The following MRPL43 variants were observed in gnomAD, a reference collection of about 807,000 sequenced individuals.
MRPL43 encodes large ribosomal subunit protein mL43.
Under a neutral mutation model 12.7 loss-of-function variants are expected in MRPL43, and 9 were observed. The ratio of observed to expected loss-of-function variants is 0.71; its 90% confidence interval spans 0.43 to 1.24. The LOEUF is 1.24. Ranked by LOEUF, MRPL43 falls within the 50% of genes most tolerant of loss-of-function variation. The pLI, the probability that MRPL43 is intolerant of heterozygous loss-of-function variation, is 0.00. For synonymous variants in MRPL43, 116 were observed against 96.4 expected (o/e 1.20, Z -1.19); for missense variants, 211 against 229.2 (o/e 0.92, Z 0.51).
At chr10:100,983,517 G>T, downstream of MRPL43, 1 of 1,614,178 alleles carries the variant, frequency 6.2e-7, no homozygotes, top group Non-Finnish European at 8.5e-7. Context: ...CTGCTATGCC[G>T]AGGAAAATGG....
downstream of MRPL43, chr10:100,978,521 C>T (rs535590815): frequency 1.6e-5 from 26 of 1,612,940 alleles, no homozygotes; most frequent in South Asian, 4.4e-5. Context: ...AATATCCCCA[C>T]GCCAGATGGA....
chr10:100,981,075 G>C, downstream of MRPL43: 1 of 1,604,292 alleles, frequency 6.2e-7, no homozygotes, highest in Non-Finnish European at 8.5e-7. Context: ...GGGGAGTGCA[G>C]GGGCTAGTTA....
chr10:100,986,421 C>T lies in MRPL43; in HGVS notation c.*313G>A, dbSNP rs1296002343. The T allele has an allele frequency of 1.3e-6, 2 of 1,498,638 alleles. No homozygotes were observed. The highest frequency in any genetic ancestry group is 2.4e-5 in the Admixed American group (1 of 42,134). 92.8% of individuals were successfully genotyped at this position (1,498,638 alleles called of 1,614,324 possible). ...ATTCTTCAGAAGCCAGCCTTCAGAC[C>T]TCTCACTGTGTTTTGAGATCATTAT... On this transcript the variant is annotated 3_prime_UTR_variant, in exon 3 of 3. Coordinates refer to ENST00000318364, the MANE Select transcript of MRPL43 (RefSeq NM_032112.3).
chr10:100,983,904 G>GA, downstream of MRPL43: 1 of 297,266 alleles, frequency 3.4e-6, no homozygotes, highest in Non-Finnish European at 5.8e-6. Context: ...GGGAGCCCCA[G>GA]CCCCACCACC....
downstream of MRPL43, chr10:100,983,689 C>T (rs939406010): frequency 1.9e-6 from 3 of 1,613,496 alleles, no homozygotes; most frequent in Non-Finnish European, 2.5e-6. Context: ...CTCATCCTGG[C>T]CTCCTCCCTC....
chr10:100,986,988 G>A lies in MRPL43; in HGVS notation c.239-13C>T. The A allele has an allele frequency of 6.2e-7, 1 of 1,605,210 alleles. No homozygotes were observed. Among genetic ancestry groups the A allele is most frequent in the Non-Finnish European group, 8.5e-7 (1 of 1,179,398 alleles). On this transcript the variant is annotated splice_polypyrimidine_tract_variant and intron_variant, in intron 2 of 2. Transcript: ENST00000318364. Reference sequence around the variant, plus strand: ...ACAGCCCCGTTAACTGGCAGAAGAGGGGTGAGAGTGGGTGGAAGCTGGCCG... The same window carrying A: ...ACAGCCCCGTTAACTGGCAGAAGAGAGGTGAGAGTGGGTGGAAGCTGGCCG...
At chr10:100,978,541 A>T (rs202220509), downstream of MRPL43, 1 of 1,613,898 alleles carries the variant, frequency 6.2e-7, no homozygotes, top group African/African-American at 1.3e-5. Flanking sequence ...AGGCCTCTAC[A>T]CAGCCACTAG....
chr10:100,985,275 C>G (rs1851385462), downstream of MRPL43: 1 of 185,204 alleles, frequency 5.4e-6, no homozygotes, highest in East Asian at 1.4e-4. Context: ...GCTCCTACCC[C>G]TGTCCTACCT....
At chr10:100,983,445 C>T (rs149389232), downstream of MRPL43, 146 of 1,613,896 alleles carry the variant, frequency 9.0e-5, 1 homozygote, top group Non-Finnish European at 1.2e-4. Context: ...GGGTGGCTAC[C>T]GTGTGGGCGT....
rs1189465898 is a variant in MRPL43 at position 100,986,350 on chromosome 10, G to C, written c.*384C>G. ...GATATAAAGTGCCTAGCCCATCACAGCAGAGCTCTCCGTAGCTCAGTGGTT... is the reference window on the plus strand; with the variant it reads ...GATATAAAGTGCCTAGCCCATCACACCAGAGCTCTCCGTAGCTCAGTGGTT... On this transcript the variant is annotated 3_prime_UTR_variant, in exon 3 of 3. Transcript: ENST00000318364. The C allele has an allele frequency of 6.9e-6, 10 of 1,445,360 alleles. No homozygotes were observed. Among genetic ancestry groups the C allele is most frequent in the Middle Eastern group, 2.5e-4 (1 of 3,936 alleles). 89.5% of individuals were successfully genotyped at this position (1,445,360 alleles called of 1,614,324 possible).
downstream of MRPL43, chr10:100,977,866 C>G (rs1323295485): frequency 1.4e-6 from 1 of 718,184 alleles, no homozygotes. Flanking sequence ...ACAGGGCACT[C>G]CAGTGGCGGC....
chr10:100,978,820 A>G (rs1850918689), downstream of MRPL43: 2 of 1,608,306 alleles, frequency 1.2e-6, no homozygotes, highest in African/African-American at 1.3e-5. Flanking sequence ...AGCCTGTCTC[A>G]AAAGCCTCTC....
In MRPL43 at chr10:100,986,618, G is replaced by T; in HGVS notation, c.*116C>A. The T allele has an allele frequency of 6.2e-7, 1 of 1,613,170 alleles. No homozygotes were observed. Among genetic ancestry groups the T allele is most frequent in the Non-Finnish European group, 8.5e-7 (1 of 1,179,832 alleles). On this transcript the variant is annotated 3_prime_UTR_variant, in exon 3 of 3. Transcript: ENST00000318364. The stretch of plus-strand genomic sequence containing the variant: ...CTTCATTATCCCAAGCAGAACCTCT[G>T]TCAACTTGCCCATTGATGGGTTCCA...
At chr10:100,983,607 C>T (rs1378378322), downstream of MRPL43, 1 of 1,614,134 alleles carries the variant, frequency 6.2e-7, no homozygotes, top group Admixed American at 1.7e-5. Context: ...CCCTGCCACA[C>T]CTGGGGCACA....
chr10:100,980,527 T>C (rs1343040862), downstream of MRPL43: 2 of 1,520,528 alleles, frequency 1.3e-6, no homozygotes, highest in Non-Finnish European at 9.1e-7. Flanking sequence ...TGCAGGGTGC[T>C]GAGAGCAGAT....
chr10:100,981,509 T>C (rs1851073159), downstream of MRPL43: 6 of 1,614,186 alleles, frequency 3.7e-6, no homozygotes, highest in Non-Finnish European at 5.1e-6. Context: ...GTAATGGGTA[T>C]TTCCCCAAGG....
downstream of MRPL43, chr10:100,984,512 G>T: frequency 1.3e-6 from 2 of 1,535,890 alleles, no homozygotes; most frequent in Non-Finnish European, 1.7e-6. Flanking sequence ...AGGTCCATAT[G>T]GGCTCAATGT....
At chr10:100,986,001 C>T (rs1851440457), downstream of MRPL43, 1 of 152,940 alleles carries the variant, frequency 6.5e-6, no homozygotes, top group Non-Finnish European at 1.5e-5. Context: ...CAGCACCCCC[C>T]ACCAGCTGGC....
chr10:100,978,337 AAGG>A (rs768692347), downstream of MRPL43: 7 of 1,613,500 alleles, frequency 4.3e-6, no homozygotes, highest in African/African-American at 4.0e-5. Context: ...CGAGGAGGGG[AAGG>A]AGAAGTGTCC....
Sources: allele counts gnomAD v4.1 joint callset, GRCh38; gene constraint gnomAD v4.1.1; transcripts MANE v1.5; gene names NCBI Gene and HGNC (gene_info 2026-07-23, HGNC 2026-07-21).